The following TMEM204 variants were observed in gnomAD, a reference collection of about 807,000 sequenced individuals.
The protein encoded by TMEM204 is transmembrane protein 204.
A neutral mutation model predicts 19.4 loss-of-function variants in TMEM204; 15 were observed. The observed-to-expected ratio is 0.77, with a 90% CI of 0.52 to 1.19. The LOEUF is 1.19. TMEM204 is among the 50% of genes most tolerant of loss of function. The pLI is 0.00. For synonymous variants in TMEM204, 161 were observed against 146.0 expected (o/e 1.10, Z -0.74); for missense variants, 287 against 321.2 (o/e 0.89, Z 0.81).
Position 1,553,621 on chromosome 16 carries a change from C to CA in TMEM204, c.437-1160dup. ...GCACTTTGGGTACAAGAAACAGACT[C>CA]ACTCAGGTTACTGTAACAGAGAGGG... is the stretch of plus-strand genomic sequence containing the variant. On this transcript the variant is annotated intron_variant, in intron 2 of 2. Transcript: ENST00000566264. The surrounding 1 kb of genome is among the most constrained non-coding windows in gnomAD (Gnocchi z 4.4). The CA allele has an allele frequency of 1.9e-6, 2 of 1,039,522 alleles. No homozygotes were observed. The highest frequency in any genetic ancestry group is 2.3e-6 in the Non-Finnish European group (2 of 860,442). The allele number at this position is 1,039,522 out of a possible 1,614,324, so 64.4% of individuals were successfully genotyped here.
chr16:1,544,019 C>CTT (rs768616715), intron 2 of TMEM204, among the ~76,000 whole-genome samples: 59 of 140,060 alleles, frequency 4.2e-4, no homozygotes, highest in African/African-American at 1.3e-3. Flanking sequence ...CACTACATTT[C>CTT]TTTTTTTTTT....
intron 1 of TMEM204, among the ~76,000 whole-genome samples, chr16:1,534,855 A>G (rs940577450): frequency 6.6e-6 from 1 of 152,212 alleles, no homozygotes; most frequent in Non-Finnish European, 1.5e-5. Context: ...CGTTACACAT[A>G]GTTAAGAGAT....
intron 1 of TMEM204, among the ~76,000 whole-genome samples, chr16:1,538,124 G>A (rs1015167922): frequency 1.3e-5 from 2 of 152,194 alleles, no homozygotes; most frequent in Non-Finnish European, 2.9e-5. Context: ...TGGGGCAGGC[G>A]GGAGCGTGGC....
chr16:1,529,133 C>T (rs2141205687), upstream of TMEM204, among the ~76,000 whole-genome samples: 1 of 152,344 alleles, frequency 6.6e-6, no homozygotes, highest in African/African-American at 2.4e-5. Context: ...TACTTTGTGC[C>T]TGGTTTTACA....
intron 2 of TMEM204, chr16:1,552,844 A>G (rs8051909): frequency 0.33 from 116,643 of 352,706 alleles, 22,702 homozygotes; most frequent in African/African-American, 0.64. Context: ...TAGTAGAGAT[A>G]GGGTTTCACC....
chr16:1,529,001 C>A (rs2030143398), upstream of TMEM204, among the ~76,000 whole-genome samples: 1 of 152,188 alleles, frequency 6.6e-6, no homozygotes, highest in Non-Finnish European at 1.5e-5. Context: ...TAGCCCCGGG[C>A]AGGCTCGGTG....
chr16:1,554,873 C>T lies in TMEM204; in HGVS notation c.528C>T (p.Cys176=). 1.2e-6 allele frequency: 2 copies of T among 1,614,232 alleles called. No individual in the cohort carries two copies. Among genetic ancestry groups the T allele is most frequent in the South Asian group, 1.1e-5 (1 of 91,086 alleles). ...SWSCYLNIGA[C]LLATLAAAML... ...CCTGCTACCTGAACATTGGCGCCTG[C>T]CTTCTGGCCACGCTGGCGGCAGCCA... The change falls in exon 3 of 3, where the codon TGC becomes TGT. Residue 176 remains cysteine, a synonymous_variant. Coordinates refer to ENST00000566264, the MANE Select transcript of TMEM204 (RefSeq NM_024600.6).
rs1285883158 is a variant in TMEM204 at position 1,551,665 on chromosome 16, C to T, written c.437-3117C>T. On this transcript the variant is annotated intron_variant, in intron 2 of 2. Transcript: ENST00000566264. The surrounding 1 kb of genome is among the most constrained non-coding windows in gnomAD (Gnocchi z 4.0). ...CATTCCTCACTGTCGAACCCAACTT[C>T]AGGACATGCTTGTTCACGGAAGAGC... 6.6e-6 allele frequency among the ~76,000 whole-genome samples: 1 copy of T among 152,236 alleles called. No individual in the cohort carries two copies. Among genetic ancestry groups the T allele is most frequent in the African/African-American group, 2.4e-5 (1 of 41,452 alleles).
intron 1 of TMEM204, among the ~76,000 whole-genome samples, chr16:1,536,016 C>A (rs948454325): frequency 6.6e-6 from 1 of 152,364 alleles, no homozygotes; most frequent in East Asian, 1.9e-4. Context: ...GCGGGGGCAG[C>A]GGCTTTAGGC....
At chr16:1,550,243 C>T (rs1014471112) in intron 2 of TMEM204, among the ~76,000 whole-genome samples, 1 of 152,182 alleles carries the variant, frequency 6.6e-6, no homozygotes, top group African/African-American at 2.4e-5. Flanking sequence ...CCAGCCCCTT[C>T]GTCTTCTATA....
chr16:1,546,351 C>G (rs2032171742), intron 2 of TMEM204, among the ~76,000 whole-genome samples: 1 of 152,186 alleles, frequency 6.6e-6, no homozygotes. Flanking sequence ...AGCTGGATCG[C>G]TGGCTGGTTC....
Position 1,542,092 on chromosome 16 carries a change from G to A in TMEM204, c.436+16G>A. ...CAACTGGCGAGTAAGTACCTGGGCGGGTGTGGCCACCGCGCCCTTGCCCCC... is the reference window on the plus strand; with the variant it reads ...CAACTGGCGAGTAAGTACCTGGGCGAGTGTGGCCACCGCGCCCTTGCCCCC... On this transcript the variant is annotated intron_variant, in intron 2 of 2. Coordinates refer to ENST00000566264, the MANE Select transcript of TMEM204 (RefSeq NM_024600.6). 1.9e-6 allele frequency: 3 copies of A among 1,585,836 alleles called. No individual in the cohort carries two copies. The highest frequency in any genetic ancestry group is 1.1e-5 in the South Asian group (1 of 87,870).
intron 2 of TMEM204, among the ~76,000 whole-genome samples, chr16:1,549,360 C>T (rs2032445270): frequency 6.6e-6 from 1 of 152,274 alleles, no homozygotes; most frequent in Non-Finnish European, 1.5e-5. Flanking sequence ...AGCCTTGGAG[C>T]TGTACCACCA....
At chr16:1,544,407 G>A (rs367599526) in intron 2 of TMEM204, among the ~76,000 whole-genome samples, 26 of 151,910 alleles carry the variant, frequency 1.7e-4, no homozygotes, top group Admixed American at 5.2e-4. Context: ...GGATGGTCTC[G>A]ATCTCCTGAC....
Position 1,542,001 on chromosome 16 carries a change from CT to C in TMEM204, c.362del (p.Leu121ArgfsTer34), listed in dbSNP as rs767210976. Reference protein sequence around the residue: ...TAGQLTFLLGLVGLPLLSPDA... With the variant: ...TAGQLTFLLGXVGLPLLSPDA... ...AGGCCAGCTCACCTTCCTCCTGGGG[CT>C]GGTGGGCCTGCCCCTGCTGTCACCC... On this transcript the variant is annotated frameshift_variant, in exon 2 of 3. Coordinates refer to ENST00000566264, the MANE Select transcript of TMEM204 (RefSeq NM_024600.6). LOFTEE classifies it high-confidence loss of function. 6.2e-7 allele frequency: 1 copy of C among 1,611,404 alleles called. No homozygotes were observed. Among genetic ancestry groups the C allele is most frequent in the East Asian group, 2.2e-5 (1 of 44,870 alleles).
At position 1,534,103 on chromosome 16, in the gene TMEM204, G is replaced by A. The variant is rs1356927086; in HGVS notation, c.-173G>A. The A allele has an allele frequency of 2.6e-6, 2 of 760,666 alleles. No individual in the cohort carries two copies. The highest frequency in any genetic ancestry group is 4.0e-6 in the Non-Finnish European group (2 of 496,566). 47.1% of individuals were successfully genotyped at this position (760,666 alleles called of 1,614,324 possible). A position where few individuals can be genotyped will look rare whatever the true frequency, so the allele number is the denominator to read the frequency against. Reference sequence around the variant, plus strand: ...CTCCAGGTGCAGGAAGGAGGATAAGGCCGGGCCGAGAGGCGGCACACCTGG... The same window carrying A: ...CTCCAGGTGCAGGAAGGAGGATAAGACCGGGCCGAGAGGCGGCACACCTGG... On this transcript the variant is annotated 5_prime_UTR_variant, in exon 1 of 3. Coordinates refer to ENST00000566264, the MANE Select transcript of TMEM204 (RefSeq NM_024600.6).
intron 2 of TMEM204, among the ~76,000 whole-genome samples, chr16:1,550,269 C>T (rs1462599181): frequency 6.6e-6 from 1 of 152,138 alleles, no homozygotes; most frequent in Non-Finnish European, 1.5e-5. Context: ...AAACAGTGTT[C>T]TTGGAAGCAG....
intron 1 of TMEM204, 143 bp downstream of exon 1, chr16:1,534,698 G>T: frequency 8.1e-7 from 1 of 1,242,168 alleles, no homozygotes; most frequent in East Asian, 2.4e-5. Flanking sequence ...AGGCAGGAGG[G>T]GGCACTGTGT....
At chr16:1,541,695 C>A (rs534284692) in intron 1 of TMEM204, among the ~76,000 whole-genome samples, 1 of 152,094 alleles carries the variant, frequency 6.6e-6, no homozygotes, top group Non-Finnish European at 1.5e-5. Flanking sequence ...CAGCCAGGCC[C>A]GGCGGCTGGG....
Sources: allele counts gnomAD v4.1 joint callset (sites outside exome capture counted in the v4.1 genomes callset), GRCh38; gene constraint gnomAD v4.1.1; non-coding constraint Gnocchi (gnomAD v3.1); transcripts MANE v1.5; gene names NCBI Gene and HGNC (gene_info 2026-07-23, HGNC 2026-07-21).